The following MCHR2 variants were observed in gnomAD, a reference collection of about 807,000 sequenced individuals.
The protein encoded by MCHR2 is melanin-concentrating hormone receptor 2.
Under a neutral mutation model 24.8 loss-of-function variants are expected in MCHR2, and 15 were observed. The observed-to-expected ratio is 0.60, with a 90% CI of 0.40 to 0.93. The LOEUF (loss-of-function observed/expected upper bound fraction) is 0.93, where lower values mean the gene tolerates loss of function less well. Among genes scored for constraint, MCHR2 ranks in the 40% least tolerant of loss-of-function variants. The pLI is 0.00. For synonymous variants in MCHR2, 151 were observed against 147.6 expected (o/e 1.02, Z -0.17); for missense variants, 386 against 408.7 (o/e 0.94, Z 0.48).
intron 1 of MCHR2, among the ~76,000 whole-genome samples, chr6:99,976,617 T>G (rs1775556668): frequency 6.6e-6 from 1 of 150,572 alleles, no homozygotes; most frequent in African/African-American, 2.4e-5. Context: ...TCTACTTTCG[T>G]GGAGCACCAC....
At chr6:99,987,934 A>AT (rs895543655) in intron 1 of MCHR2, among the ~76,000 whole-genome samples, 45 of 152,296 alleles carry the variant, frequency 3.0e-4, no homozygotes, top group Non-Finnish European at 5.9e-4. Flanking sequence ...AGGGTTAATC[A>AT]TTTTTTCAAA....
chr6:99,987,782 T>C (rs1163101314), intron 1 of MCHR2, among the ~76,000 whole-genome samples: 1 of 152,164 alleles, frequency 6.6e-6, no homozygotes, highest in Non-Finnish European at 1.5e-5. Flanking sequence ...TAAAAGTGAC[T>C]GAAGTCACTT....
At position 99,919,735 on chromosome 6, in the gene MCHR2, T is replaced by TG. The variant is rs35904445; in HGVS notation, c.*1204_*1205insC. Among the ~76,000 whole-genome samples the TG allele has an allele frequency of 8.4e-5, 5 of 59,580 alleles. No individual in the cohort carries two copies. The highest frequency in any genetic ancestry group is 1.3e-4 in the African/African-American group (3 of 23,022). The allele number at this position is 59,580 out of a possible 152,430, so 39.1% of individuals were successfully genotyped here. On this transcript the variant is annotated 3_prime_UTR_variant, in exon 6 of 6. Transcript: ENST00000281806. ...CTTGTTTTTTTTTTTGTTTGTTTTG[T>TG]TTTTTTTTTTGAGATGACGTCTCAC...
chr6:99,956,133 A>T lies in MCHR2; in HGVS notation c.15T>A (p.His5Gln). 1 of 1,611,492 alleles carries T rather than the reference A, an allele frequency of 6.2e-7. No homozygotes were observed. Among genetic ancestry groups the T allele is most frequent in the Non-Finnish European group, 8.5e-7 (1 of 1,178,766 alleles). ...CGGCAGAGGTGTTCCAACAAGATGCATGAAATGGATTCATTGTTCGTGGAC... is the reference window on the plus strand; with the variant it reads ...CGGCAGAGGTGTTCCAACAAGATGCTTGAAATGGATTCATTGTTCGTGGAC... MNPF[H>Q]ASCWNTSAEL... The change falls in exon 2 of 6, where the codon CAT (histidine) becomes CAA (glutamine). Residue 5 changes from histidine (H) to glutamine (Q), a missense_variant. His to Gln is a conservative substitution (Grantham distance 24, BLOSUM62 0). Transcript: ENST00000281806.
chr6:99,925,906 C>A (rs868854100), intron 5 of MCHR2, among the ~76,000 whole-genome samples: 1 of 150,872 alleles, frequency 6.6e-6, no homozygotes, highest in South Asian at 2.1e-4. Context: ...CATATGTATA[C>A]ATGTGCCATG....
chr6:99,958,203 A>T (rs1775105101), intron 1 of MCHR2, among the ~76,000 whole-genome samples: 1 of 152,112 alleles, frequency 6.6e-6, no homozygotes, highest in African/African-American at 2.4e-5. Context: ...TACACTTGAT[A>T]TATGAAAAGA....
chr6:99,932,366 T>C (rs1278630271), intron 5 of MCHR2, among the ~76,000 whole-genome samples: 1 of 152,102 alleles, frequency 6.6e-6, no homozygotes, highest in East Asian at 1.9e-4. Context: ...CTAAATAATA[T>C]AGGGATTGTT....
intron 1 of MCHR2, among the ~76,000 whole-genome samples, chr6:99,983,992 T>C (rs1373134760): frequency 6.6e-6 from 1 of 152,176 alleles, no homozygotes; most frequent in African/African-American, 2.4e-5. Context: ...GATTAGGTAT[T>C]CTTTAGCTGG....
chr6:99,974,902 G>A (rs1297712971), intron 1 of MCHR2, among the ~76,000 whole-genome samples: 2 of 152,156 alleles, frequency 1.3e-5, no homozygotes, highest in South Asian at 2.1e-4. Context: ...TTGGTGAACC[G>A]CAAATGCTGC....
chr6:99,980,661 A>G (rs1775651147), intron 1 of MCHR2, among the ~76,000 whole-genome samples: 1 of 152,158 alleles, frequency 6.6e-6, no homozygotes, highest in Admixed American at 6.5e-5. Context: ...AACCTTTCCA[A>G]CGACTAGATA....
chr6:99,974,413 C>T (rs1168000672), intron 1 of MCHR2, among the ~76,000 whole-genome samples: 1 of 152,216 alleles, frequency 6.6e-6, no homozygotes, highest in Non-Finnish European at 1.5e-5. Context: ...GCTCCATCAG[C>T]TCCTTTAAGG....
At chr6:99,923,855 A>G (rs952140550) in intron 5 of MCHR2, among the ~76,000 whole-genome samples, 2 of 152,114 alleles carry the variant, frequency 1.3e-5, no homozygotes, top group African/African-American at 4.8e-5. Flanking sequence ...ATGAATATTC[A>G]TCAGAGAGAT....
intron 2 of MCHR2, among the ~76,000 whole-genome samples, 181 bp downstream of exon 2, chr6:99,955,785 G>A (rs1363972485): frequency 2.0e-5 from 3 of 152,056 alleles, no homozygotes; most frequent in African/African-American, 7.2e-5. Context: ...TTGCAACTGA[G>A]ATGTTACCTA....
chr6:99,972,182 A>C (rs1775439042), intron 1 of MCHR2, among the ~76,000 whole-genome samples: 1 of 152,130 alleles, frequency 6.6e-6, no homozygotes, highest in South Asian at 2.1e-4. Flanking sequence ...CTGTGAATCC[A>C]TCTGGTTCTG....
intron 1 of MCHR2, among the ~76,000 whole-genome samples, chr6:99,984,252 ATTTATTTATTTTTC>A (rs1775728929): frequency 2.7e-4 from 2 of 7,312 alleles, no homozygotes; most frequent in African/African-American, 4.7e-4. Flanking sequence ...TTTTATTTTT[ATTTATTTATTTTTC>A]TTTATTATTA....
At chr6:99,978,700 G>A (rs968529379) in intron 1 of MCHR2, among the ~76,000 whole-genome samples, 3 of 152,106 alleles carry the variant, frequency 2.0e-5, no homozygotes, top group Admixed American at 6.5e-5. Context: ...TGACAGGCGT[G>A]AGCCACCATG....
rs561229237 is a variant in MCHR2, at chr6:99,927,724, A to G, written c.708-6469T>C. Reference sequence around the variant, plus strand: ...TTTGCTGAAGTTGCTTATCAGCTTAAGGAGATTTTGGACTGAGACAATGGG... The same window carrying G: ...TTTGCTGAAGTTGCTTATCAGCTTAGGGAGATTTTGGACTGAGACAATGGG... On this transcript the variant is annotated intron_variant, in intron 5 of 5. Coordinates refer to ENST00000281806, the MANE Select transcript of MCHR2 (RefSeq NM_001040179.2). Among the ~76,000 whole-genome samples, 389 of 152,222 alleles carry G rather than the reference A, an allele frequency of 2.6e-3. 4 individuals carry two copies. The highest frequency in any genetic ancestry group is 3.3e-3 in the Non-Finnish European group (225 of 68,028).
chr6:99,961,850 T>C (rs1270954697), intron 1 of MCHR2, among the ~76,000 whole-genome samples: 2 of 152,120 alleles, frequency 1.3e-5, no homozygotes, highest in South Asian at 2.1e-4. Flanking sequence ...GGACTTAATG[T>C]ATAATAATAA....
chr6:99,978,419 A>ATTT (rs1775597541), intron 1 of MCHR2, among the ~76,000 whole-genome samples: 2 of 39,082 alleles, frequency 5.1e-5, no homozygotes, highest in African/African-American at 8.3e-5. Context: ...AGGTCAAGAC[A>ATTT]GTTTTTTTTT....
Sources: gnomAD v4.1 joint callset for allele counts (sites outside exome capture counted in the v4.1 genomes callset) on GRCh38, gnomAD v4.1.1 for gene constraint, MANE v1.5 for transcripts, NCBI Gene and HGNC (gene_info 2026-07-23, HGNC 2026-07-21) for gene names.